The following BCKDHB variants were observed in gnomAD, a reference collection of about 807,000 sequenced individuals.
BCKDHB encodes branched chain keto acid dehydrogenase E1 subunit beta, also known as 2-oxoisovalerate dehydrogenase subunit beta, mitochondrial.
BCKDHB carries 41 observed loss-of-function variants against 48.5 expected under a neutral mutation model. That is an observed-to-expected ratio of 0.85 (90% CI 0.66 to 1.10). The LOEUF is 1.10. Ranked by LOEUF, BCKDHB falls within the 50% of genes least tolerant of loss-of-function variation. The pLI is 0.00. For missense variants in BCKDHB, 496 were observed against 494.2 expected (o/e 1.00, Z -0.03); for synonymous variants, 201 against 174.8 (o/e 1.15, Z -1.18).
intron 6 of BCKDHB, among the ~76,000 whole-genome samples, chr6:80,176,005 C>T (rs1773134980): frequency 6.6e-6 from 1 of 152,172 alleles, no homozygotes; most frequent in Non-Finnish European, 1.5e-5. Context: ...TCTCTCACCA[C>T]CTCCAAGGCT....
the BCKDHB span, among the ~76,000 whole-genome samples, chr6:80,387,940 T>A: frequency 4.6e-5 from 7 of 152,186 alleles, no homozygotes; most frequent in African/African-American, 1.7e-4. Context: ...GGGAAATAAA[T>A]CCAACTAAAA....
At chr6:80,310,590 C>G (rs554034204) in intron 9 of BCKDHB, among the ~76,000 whole-genome samples, 3 of 152,222 alleles carry the variant, frequency 2.0e-5, no homozygotes, top group Non-Finnish European at 4.4e-5. Flanking sequence ...TATAACAGAA[C>G]CATTTATATT....
intron 9 of BCKDHB, chr6:80,307,925 C>G: frequency 7.2e-6 from 7 of 969,032 alleles, no homozygotes; most frequent in Non-Finnish European, 8.6e-6. Flanking sequence ...ATATCATGGG[C>G]TACTTTACAT....
intron 6 of BCKDHB, among the ~76,000 whole-genome samples, chr6:80,181,107 T>C (rs1773391171): frequency 1.3e-5 from 2 of 152,170 alleles, no homozygotes. Context: ...GCATTTTATT[T>C]ATAAATCATC....
At chr6:80,327,894 C>T (rs1272878924) in intron 9 of BCKDHB, among the ~76,000 whole-genome samples, 1 of 147,184 alleles carries the variant, frequency 6.8e-6, no homozygotes, top group African/African-American at 2.5e-5. Context: ...CCCTTTTCCC[C>T]TCCCCTTTTC....
chr6:80,370,403 TTA>T, the BCKDHB span, among the ~76,000 whole-genome samples: 4 of 152,154 alleles, frequency 2.6e-5, no homozygotes, highest in African/African-American at 9.6e-5. Flanking sequence ...TTATTTTATT[TTA>T]TGTTTGTTTC....
rs116168036 is a variant in BCKDHB at position 80,253,629 on chromosome 6, C to T, written c.952-19506C>T. On this transcript the variant is annotated intron_variant, in intron 8 of 9. Transcript: ENST00000320393. The stretch of plus-strand genomic sequence containing the variant: ...AAGACATGGATGATAGGGAAAAAAG[C>T]AACATATCATGTCATATCACTTTAC... Among the ~76,000 whole-genome samples the T allele has an allele frequency of 2.3e-3, 346 of 152,056 alleles. 1 individual carries two copies. Among genetic ancestry groups the T allele is most frequent in the African/African-American group, 7.7e-3 (319 of 41,476 alleles).
chr6:80,255,221 A>T (rs1044015338), intron 8 of BCKDHB, among the ~76,000 whole-genome samples: 2 of 152,208 alleles, frequency 1.3e-5, no homozygotes, highest in Non-Finnish European at 2.9e-5. Flanking sequence ...TTGCACCTCC[A>T]TAAACTGTAA....
At chr6:80,281,027 C>CGTGT (rs70981415) in intron 9 of BCKDHB, among the ~76,000 whole-genome samples, 2,877 of 147,382 alleles carry the variant, frequency 0.02, 38 homozygotes, top group African/African-American at 0.04. Context: ...CAGGTGTATG[C>CGTGT]GTGTGTGTGT....
chr6:80,172,157 C>G (rs1338163100), intron 6 of BCKDHB, among the ~76,000 whole-genome samples: 1 of 152,034 alleles, frequency 6.6e-6, no homozygotes, highest in Non-Finnish European at 1.5e-5. Context: ...CAACCTAATG[C>G]TTTTGAGATT....
intron 8 of BCKDHB, among the ~76,000 whole-genome samples, chr6:80,221,070 G>A (rs1775428448): frequency 6.7e-6 from 1 of 150,308 alleles, no homozygotes; most frequent in African/African-American, 2.5e-5. Flanking sequence ...CTTTTTATTT[G>A]GGTTTTATTT....
chr6:80,397,333 T>C, the BCKDHB span, among the ~76,000 whole-genome samples: 9 of 152,184 alleles, frequency 5.9e-5, no homozygotes, highest in Non-Finnish European at 1.3e-4. Flanking sequence ...TTTGTTGATA[T>C]CTTTTGTCTA....
chr6:80,120,006 C>A (rs1320012868), intron 1 of BCKDHB, among the ~76,000 whole-genome samples: 1 of 152,068 alleles, frequency 6.6e-6, no homozygotes, highest in South Asian at 2.1e-4. Flanking sequence ...TGCTATCCCT[C>A]CCCCAGCTTC....
intron 6 of BCKDHB, among the ~76,000 whole-genome samples, chr6:80,189,309 A>G (rs1773788481): frequency 6.6e-6 from 1 of 152,172 alleles, no homozygotes; most frequent in South Asian, 2.1e-4. Flanking sequence ...TGAGGTTAAA[A>G]ATTTACTGTG....
the BCKDHB span, among the ~76,000 whole-genome samples, chr6:80,383,238 TC>T: frequency 6.6e-6 from 1 of 152,208 alleles, no homozygotes; most frequent in Non-Finnish European, 1.5e-5. Flanking sequence ...TGTTCTGTTT[TC>T]TTTTTTCTGT....
chr6:80,331,478 C>A (rs541527540), intron 9 of BCKDHB, among the ~76,000 whole-genome samples: 1 of 152,292 alleles, frequency 6.6e-6, no homozygotes, highest in Non-Finnish European at 1.5e-5. Flanking sequence ...CAAACCACTT[C>A]AACCAGATGT....
chr6:80,280,717 G>A (rs2127974336), intron 9 of BCKDHB, among the ~76,000 whole-genome samples: 1 of 152,320 alleles, frequency 6.6e-6, no homozygotes, highest in East Asian at 1.9e-4. Context: ...ATTGCTTAAT[G>A]CGTTTCTCAA....
intron 8 of BCKDHB, among the ~76,000 whole-genome samples, chr6:80,256,007 C>G (rs1040723094): frequency 2.6e-5 from 4 of 152,114 alleles, no homozygotes; most frequent in African/African-American, 4.8e-5. Context: ...TTATTTCCCC[C>G]CAAAGGCTGA....
intron 8 of BCKDHB, among the ~76,000 whole-genome samples, chr6:80,265,449 C>T (rs1220310107): frequency 6.6e-6 from 1 of 152,044 alleles, no homozygotes; most frequent in Non-Finnish European, 1.5e-5. Flanking sequence ...AAGGCAGTCA[C>T]AAGATGACAA....
Sources: allele counts gnomAD v4.1 joint callset (sites outside exome capture counted in the v4.1 genomes callset), GRCh38; gene constraint gnomAD v4.1.1; transcripts MANE v1.5; gene names NCBI Gene and HGNC (gene_info 2026-07-23, HGNC 2026-07-21).